The following LVRN variants were observed in gnomAD, a reference collection of about 807,000 sequenced individuals.
The protein encoded by LVRN is aminopeptidase Q.
Under a neutral mutation model 111.4 loss-of-function variants are expected in LVRN, and 99 were observed. The observed-to-expected ratio is 0.89, with a 90% CI of 0.76 to 1.05. The LOEUF (loss-of-function observed/expected upper bound fraction) is 1.05. Ranked by LOEUF, LVRN falls within the 50% of genes least tolerant of loss-of-function variation. The pLI is 0.00. For synonymous variants in LVRN, 488 were observed against 449.5 expected (o/e 1.09, Z -1.08); for missense variants, 1,414 against 1,206.8 (o/e 1.17, Z -2.54).
rs192137190 is a variant in LVRN at position 116,022,393 on chromosome 5, A to G, written c.2759A>G (p.Tyr920Cys). Residue 920 changes from tyrosine (Y) to cysteine (C), a missense_variant and splice_region_variant, in exon 19 of 20, where the codon TAT becomes TGT. By Grantham distance (194) the Tyr-to-Cys change is radical. Transcript: ENST00000357872. ...ATTAACATCTTATTGCCTTGTAGGT[A>G]TGGAACACAATCATTGATTAATCTA... is the stretch of plus-strand genomic sequence containing the variant. ...VNNWQAVSKR[Y>C]GTQSLINLIY... The G allele has an allele frequency of 2.5e-6, 4 of 1,575,964 alleles. No individual in the cohort carries two copies. Among genetic ancestry groups the G allele is most frequent in the East Asian group, 2.3e-5 (1 of 44,026 alleles).
intron 1 of LVRN, among the ~76,000 whole-genome samples, chr5:115,972,336 C>G (rs1001623234): frequency 2.0e-5 from 3 of 151,440 alleles, no homozygotes; most frequent in Non-Finnish European, 4.4e-5. Flanking sequence ...AGATTCATTC[C>G]TAGGTATTTT....
In LVRN at chr5:115,987,703, T is replaced by C. The variant is rs1580384019; in HGVS notation, c.979-110T>C. On this transcript the variant is annotated intron_variant, in intron 3 of 19. Coordinates refer to ENST00000357872, the MANE Select transcript of LVRN (RefSeq NM_173800.5). ...GCAAGCATTTTATTATGCAGCTTCT[T>C]CTGGAAAGGTAAGACTTTGGTTCAG... is the stretch of plus-strand genomic sequence containing the variant. 3.1e-6 allele frequency: 4 copies of C among 1,309,054 alleles called. No individual in the cohort carries two copies. In the East Asian group the frequency reaches 7.4e-5, roughly 24 times the overall value. The allele number at this position is 1,309,054 out of a possible 1,614,324, so 81.1% of individuals were successfully genotyped here.
chr5:115,991,207 C>T (rs971413330), intron 4 of LVRN, among the ~76,000 whole-genome samples: 1 of 152,150 alleles, frequency 6.6e-6, no homozygotes, highest in African/African-American at 2.4e-5. Flanking sequence ...TTATCCTCCC[C>T]TGCTTCCCCC....
chr5:115,970,070 A>T (rs572211281), intron 1 of LVRN, among the ~76,000 whole-genome samples: 47 of 152,276 alleles, frequency 3.1e-4, no homozygotes, highest in Non-Finnish European at 1.3e-4. Flanking sequence ...TTATTAAAGT[A>T]TAACTGACAT....
chr5:116,024,975 C>T (rs1049706705), intron 19 of LVRN, among the ~76,000 whole-genome samples: 1 of 152,126 alleles, frequency 6.6e-6, no homozygotes, highest in African/African-American at 2.4e-5. Flanking sequence ...CCTTCTGCAT[C>T]TCTGGCTCTG....
chr5:116,026,019 G>A lies in LVRN; in HGVS notation c.2874G>A (p.Arg958=), dbSNP rs1296159023. The stretch of plus-strand genomic sequence containing the variant: ...GTAACATGTTGGAGGAACACCAGAG[G>A]ATCAGAGTTCATGCCAACTTACAGA... ...FFSNMLEEHQ[R]IRVHANLQTI... Residue 958 remains arginine, a synonymous_variant, in exon 20 of 20, where the codon AGG becomes AGA. Transcript: ENST00000357872. 1.9e-6 allele frequency: 3 copies of A among 1,613,774 alleles called. No individual in the cohort carries two copies. Among genetic ancestry groups the A allele is most frequent in the South Asian group, 1.1e-5 (1 of 91,064 alleles).
At chr5:115,995,621 A>G (rs537600847) in intron 6 of LVRN, 2 of 152,358 alleles carry the variant, frequency 1.3e-5, no homozygotes, top group African/African-American at 4.8e-5. Flanking sequence ...GTCTAGTCTG[A>G]TGACAAGGAT....
At chr5:115,994,551 G>A (rs929612287) in intron 6 of LVRN, among the ~76,000 whole-genome samples, 4 of 152,184 alleles carry the variant, frequency 2.6e-5, no homozygotes, top group African/African-American at 9.7e-5. Flanking sequence ...GGGATTACAG[G>A]CGTGAGCTAC....
At chr5:115,986,120 G>A (rs147944132) in intron 3 of LVRN, among the ~76,000 whole-genome samples, 6 of 152,326 alleles carry the variant, frequency 3.9e-5, no homozygotes, top group East Asian at 3.9e-4. Flanking sequence ...TAATAATACC[G>A]TTTTAGATGC....
chr5:115,970,279 T>G (rs1174507443), intron 1 of LVRN, among the ~76,000 whole-genome samples: 1 of 152,222 alleles, frequency 6.6e-6, no homozygotes, highest in Non-Finnish European at 1.5e-5. Context: ...ATCTGCTTTC[T>G]GTAGATTAAT....
At chr5:116,004,433 C>A (rs532893367) in intron 12 of LVRN, among the ~76,000 whole-genome samples, 34 of 152,272 alleles carry the variant, frequency 2.2e-4, no homozygotes, top group African/African-American at 8.2e-4. Flanking sequence ...GAGTGCTGAA[C>A]TAAAAGATGT....
chr5:115,967,336 G>T (rs1753224873), intron 1 of LVRN, among the ~76,000 whole-genome samples: 1 of 152,126 alleles, frequency 6.6e-6, no homozygotes, highest in African/African-American at 2.4e-5. Flanking sequence ...TTAGGTTGAG[G>T]TTAATTCTTT....
chr5:115,987,781 T>C lies in LVRN; in HGVS notation c.979-32T>C, dbSNP rs774554224. On this transcript the variant is annotated intron_variant, in intron 3 of 19. Transcript: ENST00000357872. ...CCTCTTTCCAAAATCACTACTGGTT[T>C]TCCTAATCACTGCTTAACTGTTTTG... 1.0e-4 allele frequency: 163 copies of C among 1,596,418 alleles called. 3 individuals carry two copies. The South Asian group carries it at 1.8e-3, about 18-fold the overall frequency.
chr5:115,983,987 A>T (rs754861332), intron 2 of LVRN, among the ~76,000 whole-genome samples: 7 of 152,186 alleles, frequency 4.6e-5, no homozygotes, highest in Non-Finnish European at 8.8e-5. Context: ...GCAGGTTCCC[A>T]GGTCAACAAG....
At chr5:115,971,548 C>T (rs1466283251) in intron 1 of LVRN, among the ~76,000 whole-genome samples, 1 of 152,022 alleles carries the variant, frequency 6.6e-6, no homozygotes, top group East Asian at 1.9e-4. Context: ...TTCAACTGTA[C>T]CACTGCCATT....
intron 15 of LVRN, among the ~76,000 whole-genome samples, chr5:116,013,532 C>A (rs1175128256): frequency 6.6e-6 from 1 of 152,018 alleles, no homozygotes; most frequent in African/African-American, 2.4e-5. Context: ...TTGTTGCTAC[C>A]GGCTTGAGAT....
At chr5:115,978,406 T>C (rs1753491542) in intron 1 of LVRN, among the ~76,000 whole-genome samples, 1 of 152,182 alleles carries the variant, frequency 6.6e-6, no homozygotes, top group South Asian at 2.1e-4. Context: ...AGCTTACAGA[T>C]TAGTAAAAAC....
In LVRN at chr5:116,001,176, G is replaced by T; in HGVS notation, c.1757G>T (p.Gly586Val). The T allele has an allele frequency of 6.2e-7, 1 of 1,614,028 alleles. No individual in the cohort carries two copies. The highest frequency in any genetic ancestry group is 8.5e-7 in the Non-Finnish European group (1 of 1,179,988). ...FPVITLNVST[G>V]VMKQEPFYLE... ...GTGATCACTTTAAATGTGTCTACTG[G>T]CGTCATGAAACAGGAGCCATTTTAT... Residue 586 changes from glycine to valine, a missense_variant, in exon 10 of 20, where the codon GGC becomes GTC. Physicochemically the swap from Gly to Val is moderately radical, Grantham distance 109 (BLOSUM62 -3). Transcript: ENST00000357872.
At chr5:116,023,740 A>C (rs1411337362) in intron 19 of LVRN, 1 of 152,224 alleles carries the variant, frequency 6.6e-6, no homozygotes. Context: ...CTACACACCC[A>C]GTAGCATAGG....
Sources: gnomAD v4.1 joint callset for allele counts (sites outside exome capture counted in the v4.1 genomes callset) on GRCh38, gnomAD v4.1.1 for gene constraint, MANE v1.5 for transcripts, NCBI Gene and HGNC (gene_info 2026-07-23, HGNC 2026-07-21) for gene names.